GABRA3: variants seen among roughly 807,000 people sequenced by gnomAD.
The protein encoded by GABRA3 is gamma-aminobutyric acid type A receptor subunit alpha3, also known as gamma-aminobutyric acid receptor subunit alpha-3.
Under a neutral mutation model 30.1 loss-of-function variants are expected in GABRA3, and 10 were observed. The ratio of observed to expected loss-of-function variants is 0.33; its 90% confidence interval spans 0.20 to 0.56. The LOEUF (loss-of-function observed/expected upper bound fraction) is 0.56, where lower values mean the gene tolerates loss of function less well. Ranked by LOEUF, GABRA3 falls within the 20% of genes least tolerant of loss-of-function variation. GABRA3 has a pLI of 0.89. For synonymous variants in GABRA3, 151 were observed against 146.8 expected (o/e 1.03, Z -0.21); for missense variants, 233 against 392.0 (o/e 0.59, Z 3.42).
At chrX:152,249,966 A>G (rs1489712116) in intron 5 of GABRA3, among the ~76,000 whole-genome samples, 1 of 110,921 alleles carries the variant, frequency 9.0e-6, no homozygotes, top group Non-Finnish European at 1.9e-5. Flanking sequence ...TTCCCCTATC[A>G]TGTCTCACAA....
chrX:152,186,834 G>C (rs1937262349), intron 9 of GABRA3: 1 of 110,859 alleles, frequency 9.0e-6, no homozygotes, highest in African/African-American at 3.3e-5. Context: ...TGTTGCCCAG[G>C]CTGGTCTCAA....
At chrX:152,270,854 TAA>T (rs199523064) in intron 4 of GABRA3, among the ~76,000 whole-genome samples, 39 of 96,151 alleles carry the variant, frequency 4.1e-4, no homozygotes, top group Admixed American at 2.3e-4. Flanking sequence ...GATTCCAACT[TAA>T]AAAAAAAAAA....
intron 1 of GABRA3, among the ~76,000 whole-genome samples, chrX:152,386,696 G>C (rs1470943303): frequency 2.7e-5 from 3 of 109,130 alleles, no homozygotes; most frequent in Non-Finnish European, 3.8e-5. Flanking sequence ...TACACTGTTG[G>C]TGGGACTGTA....
chrX:152,349,213 GT>G (rs1940436670), intron 2 of GABRA3, among the ~76,000 whole-genome samples: 1 of 108,087 alleles, frequency 9.3e-6, no homozygotes, highest in African/African-American at 3.4e-5. Context: ...CTCATTGCTC[GT>G]CTGTAAGAAG....
chrX:152,431,602 A>G (rs1438981439), intron 1 of GABRA3, among the ~76,000 whole-genome samples: 1 of 112,276 alleles, frequency 8.9e-6, no homozygotes, highest in Admixed American at 9.4e-5. Flanking sequence ...AAAAGTGATT[A>G]AATAGCAGAT....
intron 3 of GABRA3, among the ~76,000 whole-genome samples, chrX:152,297,383 C>T (rs937529261): frequency 1.8e-5 from 2 of 112,137 alleles, no homozygotes; most frequent in Non-Finnish European, 3.8e-5. Context: ...ATCTTTATTC[C>T]ATTCCTCAGT....
At chrX:152,310,219 A>G (rs943836644) in intron 3 of GABRA3, among the ~76,000 whole-genome samples, 30 of 112,333 alleles carry the variant, frequency 2.7e-4, no homozygotes, top group African/African-American at 9.4e-4. Flanking sequence ...AGTGTTAGAA[A>G]GATAATCAAG....
At chrX:152,239,972 T>C (rs1441841568) in intron 5 of GABRA3, among the ~76,000 whole-genome samples, 1 of 98,698 alleles carries the variant, frequency 1.0e-5, no homozygotes. Context: ...TGTCTTTTAA[T>C]TGGAGAATTT....
At chrX:152,263,003 CA>C (rs1482462283) in intron 4 of GABRA3, among the ~76,000 whole-genome samples, 1 of 111,554 alleles carries the variant, frequency 9.0e-6, no homozygotes, top group Non-Finnish European at 1.9e-5. Context: ...GGGAAGCAAA[CA>C]CATCCTTCTT....
At chrX:152,309,752 G>A (rs1416061730) in intron 3 of GABRA3, among the ~76,000 whole-genome samples, 4 of 111,625 alleles carry the variant, frequency 3.6e-5, no homozygotes, top group Non-Finnish European at 7.5e-5. Context: ...AGTTAACAAC[G>A]TGGTAACAGG....
intron 9 of GABRA3, 138 bp downstream of exon 9, chrX:152,189,592 C>T (rs929547311): frequency 2.2e-6 from 1 of 450,601 alleles, no homozygotes; most frequent in African/African-American, 2.5e-5. Flanking sequence ...AGAAGCACTC[C>T]AGTTGAGAAC....
intron 6 of GABRA3, among the ~76,000 whole-genome samples, chrX:152,209,996 CT>C (rs1019784144): frequency 1.8e-5 from 2 of 112,118 alleles, no homozygotes; most frequent in Admixed American, 9.4e-5. Context: ...AATTAATAGA[CT>C]TTTTTTTACA....
chrX:152,211,927 GT>G (rs1239666404), intron 6 of GABRA3, among the ~76,000 whole-genome samples: 1 of 110,450 alleles, frequency 9.1e-6, no homozygotes, highest in African/African-American at 3.3e-5. Flanking sequence ...ACATGGAGCG[GT>G]AAAGGAATTA....
chrX:152,231,158 C>T (rs745877443), intron 5 of GABRA3, among the ~76,000 whole-genome samples: 1 of 105,387 alleles, frequency 9.5e-6, no homozygotes, highest in Admixed American at 1.0e-4. Context: ...TATATATACA[C>T]ACATATATGT....
At chrX:152,401,739 C>T (rs1603254818) in intron 1 of GABRA3, among the ~76,000 whole-genome samples, 1 of 111,713 alleles carries the variant, frequency 9.0e-6, no homozygotes, top group Non-Finnish European at 1.9e-5. Flanking sequence ...CAATGTAGCA[C>T]AGGGCTGGCC....
intron 4 of GABRA3, among the ~76,000 whole-genome samples, chrX:152,266,115 A>C (rs1569374735): frequency 8.9e-6 from 1 of 111,812 alleles, no homozygotes; most frequent in Non-Finnish European, 1.9e-5. Flanking sequence ...GGAGAAGGGA[A>C]TCCTATATCA....
At chrX:152,395,342 A>G (rs1292250119) in intron 1 of GABRA3, among the ~76,000 whole-genome samples, 1 of 111,660 alleles carries the variant, frequency 9.0e-6, no homozygotes, top group African/African-American at 3.3e-5. Flanking sequence ...CATGTTATTA[A>G]AGTTATCATT....
At chrX:152,203,384 C>T (rs1368583298) in intron 7 of GABRA3, among the ~76,000 whole-genome samples, 3 of 112,012 alleles carry the variant, frequency 2.7e-5, no homozygotes, top group African/African-American at 3.2e-5. Context: ...AGATAGTATT[C>T]ATACAGTCAT....
chrX:152,368,846 C>G (rs1405787190), intron 1 of GABRA3, among the ~76,000 whole-genome samples: 1 of 108,259 alleles, frequency 9.2e-6, no homozygotes, highest in African/African-American at 3.4e-5. Flanking sequence ...GCTGGGACTA[C>G]AGGCACCGGC....
Sources: allele counts gnomAD v4.1 joint callset (sites outside exome capture counted in the v4.1 genomes callset), GRCh38; gene constraint gnomAD v4.1.1; transcripts MANE v1.5; gene names NCBI Gene and HGNC (gene_info 2026-07-23, HGNC 2026-07-21).